Variants in CD38 observed in about 807,000 individuals in gnomAD.
CD38 encodes CD38 molecule.
In CD38, 31 loss-of-function variants were observed where a neutral mutation model predicts 36.3. The ratio of observed to expected loss-of-function variants is 0.85; its 90% CI spans 0.64 to 1.15. CD38 has a LOEUF of 1.15. Ranked by LOEUF, CD38 falls within the 50% of genes most tolerant of loss-of-function variation. CD38 has a pLI of 0.00. For synonymous variants in CD38, 131 were observed against 135.2 expected, an observed-to-expected ratio of 0.97 and a Z score of 0.22; for missense variants, 380 against 371.9, an observed-to-expected ratio of 1.02 and a Z score of -0.18.
intron 1 of CD38, among the ~76,000 whole-genome samples, chr4:15,789,789 G>C (rs1037402097): frequency 6.6e-6 from 1 of 150,990 alleles, no homozygotes; most frequent in Admixed American, 6.6e-5. Context: ...CCTCCTCACC[G>C]TGTGATGCCC....
intron 1 of CD38, among the ~76,000 whole-genome samples, chr4:15,809,980 C>G (rs1463491041): frequency 6.6e-6 from 1 of 152,150 alleles, no homozygotes; most frequent in Non-Finnish European, 1.5e-5. Context: ...TAAATAGTTT[C>G]ATAAAACCTG....
At chr4:15,813,191 T>A (rs6449195) in intron 1 of CD38, among the ~76,000 whole-genome samples, 1 of 152,096 alleles carries the variant, frequency 6.6e-6, no homozygotes, top group Non-Finnish European at 1.5e-5. Context: ...ATCTTTGGAC[T>A]GTACTTGATT....
chr4:15,812,580 A>G (rs1560313100), intron 1 of CD38, among the ~76,000 whole-genome samples: 2 of 152,182 alleles, frequency 1.3e-5, no homozygotes, highest in Non-Finnish European at 2.9e-5. Flanking sequence ...TGTGCCTGTA[A>G]TCCCAGCTAC....
chr4:15,840,609 TC>T, intron 7 of CD38, 71 bp downstream of exon 7: 1 of 848,706 alleles, frequency 1.2e-6, no homozygotes, highest in Non-Finnish European at 2.0e-6. Flanking sequence ...TTCCTTAGCC[TC>T]CTCTGAGCTT....
intron 2 of CD38, among the ~76,000 whole-genome samples, chr4:15,818,230 G>C (rs183523887): frequency 2.2e-4 from 33 of 152,270 alleles, no homozygotes; most frequent in African/African-American, 7.7e-4. Context: ...TGCTAAGGGG[G>C]CTGGGAAGTC....
At chr4:15,827,101 C>T (rs1006208419) in intron 3 of CD38, among the ~76,000 whole-genome samples, 2 of 152,126 alleles carry the variant, frequency 1.3e-5, no homozygotes, top group African/African-American at 4.8e-5. Flanking sequence ...CCTCCACAGC[C>T]CCATGAGGTC....
chr4:15,799,033 A>G (rs1723159887), intron 1 of CD38, among the ~76,000 whole-genome samples: 1 of 152,214 alleles, frequency 6.6e-6, no homozygotes, highest in Non-Finnish European at 1.5e-5. Context: ...AATATGATCA[A>G]ATTTATGTTT....
chr4:15,824,698 ACACTCT>A (rs1723809457), intron 2 of CD38, among the ~76,000 whole-genome samples, 177 bp from the exon 3 acceptor site: 1 of 146,954 alleles, frequency 6.8e-6, no homozygotes, highest in African/African-American at 2.6e-5. Flanking sequence ...ACACACACAC[ACACTCT>A]CTCTCCGCCA....
chr4:15,831,142 AACAGAAAGCTAAT>A (rs899499749), intron 3 of CD38, among the ~76,000 whole-genome samples: 1 of 152,224 alleles, frequency 6.6e-6, no homozygotes, highest in African/African-American at 2.4e-5. Flanking sequence ...AAAGACAGCA[AACAGAAAGCTAAT>A]ACAAACTCTA....
chr4:15,841,470 G>T (rs1271755842), intron 7 of CD38, among the ~76,000 whole-genome samples: 1 of 152,196 alleles, frequency 6.6e-6, no homozygotes, highest in Non-Finnish European at 1.5e-5. Context: ...AGCCAGAAAA[G>T]GCCATGAGCA....
At chr4:15,808,886 G>T (rs777693342) in intron 1 of CD38, among the ~76,000 whole-genome samples, 1 of 152,144 alleles carries the variant, frequency 6.6e-6, no homozygotes, top group Admixed American at 6.5e-5. Context: ...TAGGGGGCTC[G>T]CCCTCTGTTC....
At chr4:15,801,081 A>G (rs988059886) in intron 1 of CD38, among the ~76,000 whole-genome samples, 5 of 152,160 alleles carry the variant, frequency 3.3e-5, no homozygotes, top group Non-Finnish European at 2.9e-5. Context: ...GAAGAACCAA[A>G]TAAATGAAAA....
At chr4:15,802,038 C>T (rs28864507) in intron 1 of CD38, among the ~76,000 whole-genome samples, 69,824 of 151,904 alleles carry the variant, frequency 0.46, 19,248 homozygotes, top group African/African-American at 0.78. Context: ...CTCTTACCTA[C>T]AGAAAAATCT....
chr4:15,848,242 C>G (rs1724305995), intron 7 of CD38, among the ~76,000 whole-genome samples: 1 of 152,166 alleles, frequency 6.6e-6, no homozygotes, highest in South Asian at 2.1e-4. Context: ...TTCCCAGACT[C>G]TGCCTCTGAC....
rs2148911589 is a variant in CD38, at chr4:15,778,477, A to G, written c.63A>G (p.Arg21=). ...AACCCTGCTGCCGGCTCTCTAGGAG[A>G]GCCCAACTCTGTCTTGGCGTCAGTA... The part of the protein sequence containing the change: ...GDKPCCRLSR[R]AQLCLGVSIL... The change falls in exon 1 of 8, where the codon AGA becomes AGG. Residue 21 remains arginine, a synonymous_variant. Coordinates refer to ENST00000226279, the MANE Select transcript of CD38 (RefSeq NM_001775.4). The surrounding 1 kb of genome is among the most constrained non-coding windows in gnomAD (Gnocchi z 4.9). The G allele has an allele frequency of 1.9e-6, 3 of 1,613,128 alleles. No homozygotes were observed. Among genetic ancestry groups the G allele is most frequent in the South Asian group, 2.2e-5 (2 of 91,060 alleles).
At chr4:15,793,835 A>C (rs1037677861) in intron 1 of CD38, among the ~76,000 whole-genome samples, 1 of 152,252 alleles carries the variant, frequency 6.6e-6, no homozygotes, top group Non-Finnish European at 1.5e-5. Context: ...AATATATGGA[A>C]TGTGAGAGAA....
chr4:15,787,067 C>T (rs763761432), intron 1 of CD38, among the ~76,000 whole-genome samples: 21 of 152,184 alleles, frequency 1.4e-4, no homozygotes, highest in Non-Finnish European at 2.9e-4. Context: ...GGAACTCGCG[C>T]TGGCCCACGA....
chr4:15,837,184 T>C (rs1181367053), intron 4 of CD38, among the ~76,000 whole-genome samples: 1 of 152,178 alleles, frequency 6.6e-6, no homozygotes, highest in African/African-American at 2.4e-5. Flanking sequence ...CGTTCCCCAC[T>C]CAGTCCCTGG....
Position 15,816,594 on chromosome 4 carries a change from A to G in CD38, c.317A>G (p.Tyr106Cys). 1.2e-6 allele frequency: 2 copies of G among 1,613,964 alleles called. No homozygotes were observed. Among genetic ancestry groups the G allele is most frequent in the East Asian group, 2.2e-5 (1 of 44,864 alleles). The change falls in exon 2 of 8, where the codon TAT (tyrosine) becomes TGT (cysteine). Residue 106 changes from tyrosine (Y) to cysteine (C), a missense_variant. By Grantham distance (194) the Tyr-to-Cys change is radical (BLOSUM62 -2). Transcript: ENST00000226279. The stretch of plus-strand genomic sequence containing the variant: ...CCTTGCAACATTACTGAAGAAGACT[A>G]TCAGCCACTAATGAAGTTGGGAACT... ...KHPCNITEED[Y>C]QPLMKLGTQT...
Sources: gnomAD v4.1 joint callset for allele counts (sites outside exome capture counted in the v4.1 genomes callset) on GRCh38, gnomAD v4.1.1 for gene constraint, Gnocchi (gnomAD v3.1) non-coding constraint, MANE v1.5 for transcripts, NCBI Gene and HGNC (gene_info 2026-07-23, HGNC 2026-07-21) for gene names.